P4HTM: variants seen among roughly 807,000 people sequenced by gnomAD.
P4HTM encodes transmembrane prolyl 4-hydroxylase.
A neutral mutation model predicts 55.3 loss-of-function variants in P4HTM; 33 were observed. The ratio of observed to expected loss-of-function variants is 0.60; its 90% CI spans 0.45 to 0.80. The LOEUF is 0.80. P4HTM is among the 30% of genes least tolerant of loss of function. The pLI, the probability that P4HTM is intolerant of heterozygous loss-of-function variation, is 0.00. For missense variants in P4HTM, 542 were observed against 696.5 expected, an observed-to-expected ratio of 0.78 and a Z score of 2.50; for synonymous variants, 272 against 286.4, an observed-to-expected ratio of 0.95 and a Z score of 0.51.
chr3:49,003,555 T>G (rs1227237013), intron 4 of P4HTM: 1 of 153,754 alleles, frequency 6.5e-6, no homozygotes, highest in Non-Finnish European at 1.4e-5. Context: ...GGCCTGACTT[T>G]CGTTGCTAAG....
rs529007688 is a variant in P4HTM at position 49,005,790 on chromosome 3, C to A, written c.1087C>A (p.Leu363Met). The change falls in exon 7 of 9, where the codon CTG becomes ATG. Residue 363 changes from leucine to methionine, a missense_variant. Around this residue, in one of 2 missense-constraint regions of P4HTM, gnomAD observed 536 missense variants for 672.1 expected, o/e 0.80. Coordinates refer to ENST00000383729, the MANE Select transcript of P4HTM (RefSeq NM_177939.3). ...FETSCRYMTV[L>M]FYLNNVTGGG... is the part of the protein sequence containing the mutation. The stretch of plus-strand genomic sequence containing the variant: ...CCTGCCTTACAGCTACATGACAGTG[C>A]TGTTTTATTTGAACAACGTCACTGG... 1.3e-5 allele frequency: 21 copies of A among 1,599,108 alleles called. No individual in the cohort carries two copies. In the Admixed American group the frequency reaches 3.5e-4, roughly 27 times the overall value.
Position 49,002,714 on chromosome 3 carries a change from A to G in P4HTM, c.724+118A>G. The G allele has an allele frequency of 1.3e-6, 1 of 787,654 alleles. No homozygotes were observed. 48.8% of individuals were successfully genotyped at this position (787,654 alleles called of 1,614,324 possible). ...CCAGGCAGCCTCTCTGCACCCCTTT[A>G]TAGTGGCCAGAGATGGGGAGGTGAA... is the stretch of plus-strand genomic sequence containing the variant. On this transcript the variant is annotated intron_variant, in intron 4 of 8. Transcript: ENST00000383729. This position sits in a 1 kb window ranked among gnomAD's most constrained non-coding sequence, Gnocchi z 4.4.
At chr3:48,997,001 G>A (rs1394099107) in intron 2 of P4HTM, among the ~76,000 whole-genome samples, 2 of 152,310 alleles carry the variant, frequency 1.3e-5, no homozygotes, top group South Asian at 2.1e-4. Context: ...CCAGACAGAG[G>A]ACTACCTGCT....
intron 6 of P4HTM, 90 bp from the exon 7 acceptor site, chr3:49,005,687 C>T (rs2092976300): frequency 2.0e-6 from 3 of 1,497,106 alleles, no homozygotes; most frequent in Non-Finnish European, 2.7e-6. Flanking sequence ...TCCCTGGCAA[C>T]AGGAACCTGG....
intron 2 of P4HTM, chr3:48,996,132 G>A (rs2092944842): frequency 6.6e-6 from 1 of 152,188 alleles, no homozygotes; most frequent in African/African-American, 2.4e-5. Context: ...CTTTATCTTA[G>A]GATTTCTAAA....
In P4HTM at chr3:49,002,573, T is replaced by C; in HGVS notation, c.701T>C (p.Ile234Thr). Residue 234 changes from isoleucine to threonine, a missense_variant, in exon 4 of 9, where the codon ATC becomes ACC. Coordinates refer to ENST00000383729, the MANE Select transcript of P4HTM (RefSeq NM_177939.3). This position sits in a 1 kb window ranked among gnomAD's most constrained non-coding sequence, Gnocchi z 4.4. ...AGCATTCAGGAGATGTACGCCGCGA[T>C]CAAGGCTGACCCTGATGGTGACGGT... ...PESIQEMYAA[I>T]KADPDGDGVL... 4 of 1,613,734 alleles carry C rather than the reference T, an allele frequency of 2.5e-6. No individual in the cohort carries two copies. Among genetic ancestry groups the C allele is most frequent in the Non-Finnish European group, 3.4e-6 (4 of 1,179,654 alleles).
chr3:48,990,756 C>T lies in P4HTM; in HGVS notation c.355-77C>T. The T allele has an allele frequency of 6.5e-7, 1 of 1,537,498 alleles. No individual in the cohort carries two copies. The highest frequency in any genetic ancestry group is 1.1e-5 in the South Asian group (1 of 87,280). ...CCACTCACTCGCCTGCTGTCGCTCT[C>T]CGGGCCGGGGCGACTTGGCCCTTCT... On this transcript the variant is annotated intron_variant, in intron 1 of 8. Coordinates refer to ENST00000383729, the MANE Select transcript of P4HTM (RefSeq NM_177939.3). This position sits in a 1 kb window ranked among gnomAD's most constrained non-coding sequence, Gnocchi z 7.2.
At position 49,007,128 on chromosome 3, in the gene P4HTM, G is replaced by A. The variant is rs771040589; in HGVS notation, c.*221G>A. 2.8e-6 allele frequency: 2 copies of A among 704,642 alleles called. No individual in the cohort carries two copies. The highest frequency in any genetic ancestry group is 2.7e-5 in the East Asian group (1 of 36,578). The allele number at this position is 704,642 out of a possible 1,614,324, so 43.6% of individuals were successfully genotyped here. ...CCACAAGGTTCGAGCCGCCGGGCCC[G>A]ACAAACTCCGGGTCGGCGAAACAGA... On this transcript the variant is annotated 3_prime_UTR_variant, in exon 9 of 9. Coordinates refer to ENST00000383729, the MANE Select transcript of P4HTM (RefSeq NM_177939.3). The surrounding 1 kb of genome is among the most constrained non-coding windows in gnomAD (Gnocchi z 5.1).
In P4HTM at chr3:48,999,244, C is replaced by T. The variant is rs2092954556; in HGVS notation, c.437-2194C>T. On this transcript the variant is annotated intron_variant, in intron 2 of 8. Coordinates refer to ENST00000383729, the MANE Select transcript of P4HTM (RefSeq NM_177939.3). This position sits in a 1 kb window ranked among gnomAD's most constrained non-coding sequence, Gnocchi z 4.8. The stretch of plus-strand genomic sequence containing the variant: ...GGGCCCTGCACCTGGAAGCCCCTGT[C>T]CTACCTGTCAAGGCATACAGGGGTA... 1 of 152,242 alleles carries T rather than the reference C, an allele frequency of 6.6e-6. No individual in the cohort carries two copies. 9.4% of individuals were successfully genotyped at this position (152,242 alleles called of 1,614,324 possible).
In P4HTM at chr3:49,007,071, T is replaced by C; in HGVS notation, c.*164T>C. ...TCCTATATTCATGTTATTTATTGTGTACTGACTCCATCTGCCCCGTCAAAT... is the reference window on the plus strand; with the variant it reads ...TCCTATATTCATGTTATTTATTGTGCACTGACTCCATCTGCCCCGTCAAAT... On this transcript the variant is annotated 3_prime_UTR_variant, in exon 9 of 9. Coordinates refer to ENST00000383729, the MANE Select transcript of P4HTM (RefSeq NM_177939.3). The surrounding 1 kb of genome is among the most constrained non-coding windows in gnomAD (Gnocchi z 5.1). The C allele has an allele frequency of 1.5e-6, 1 of 681,896 alleles. No individual in the cohort carries two copies. The highest frequency in any genetic ancestry group is 2.4e-6 in the Non-Finnish European group (1 of 409,624). The allele number at this position is 681,896 out of a possible 1,614,324, so 42.2% of individuals were successfully genotyped here.
chr3:48,992,403 T>C (rs1217048833), intron 2 of P4HTM, among the ~76,000 whole-genome samples: 1 of 151,888 alleles, frequency 6.6e-6, no homozygotes, highest in Non-Finnish European at 1.5e-5. Flanking sequence ...GTCAGGAATT[T>C]GAGGCCAGCC....
At chr3:49,000,263 A>T (rs769781482) in intron 2 of P4HTM, among the ~76,000 whole-genome samples, 1 of 151,828 alleles carries the variant, frequency 6.6e-6, no homozygotes, top group African/African-American at 2.4e-5. Flanking sequence ...ATTAAAAACC[A>T]CTCCAGGCCA....
At chr3:48,993,912 C>T (rs993296183) in intron 2 of P4HTM, among the ~76,000 whole-genome samples, 4 of 148,322 alleles carry the variant, frequency 2.7e-5, no homozygotes, top group Admixed American at 1.3e-4. Context: ...TCTAAAGTCA[C>T]CAAGGGCAAA....
rs550434839 is a variant in P4HTM at position 49,005,822 on chromosome 3, C to A, written c.1119C>A (p.Gly373=). The change falls in exon 7 of 9, where the codon GGC becomes GGA. Residue 373 remains glycine, a synonymous_variant. Transcript: ENST00000383729. ...LFYLNNVTGG[G]ETVFPVADNR... is the part of the protein sequence containing the mutation. ...ATTTGAACAACGTCACTGGTGGGGG[C>A]GAGACTGTTTTCCCTGTAGCAGATA... 1.0e-5 allele frequency: 16 copies of A among 1,582,992 alleles called. No individual in the cohort carries two copies. In the Admixed American group the frequency reaches 1.8e-4, roughly 18 times the overall value.
In P4HTM at chr3:48,990,413, C is replaced by A. The variant is rs372623573; in HGVS notation, c.157C>A (p.Arg53Ser). The part of the protein sequence containing the change: ...DAPVRPLCKP[R>S]GICSRAYFLV... ...ACCGGTGCGTCCGCTGTGCAAGCCC[C>A]GCGGCATCTGCTCGCGCGCCTACTT... The change falls in exon 1 of 9, where the codon CGC (arginine) becomes AGC (serine). Residue 53 changes from arginine to serine, a missense_variant. Physicochemically the swap from Arg to Ser is moderately radical, Grantham distance 110 (BLOSUM62 -1). This residue lies in a region of P4HTM where 536 missense variants were observed against 672.1 expected (regional missense o/e 0.80). Coordinates refer to ENST00000383729, the MANE Select transcript of P4HTM (RefSeq NM_177939.3). The surrounding 1 kb of genome is among the most constrained non-coding windows in gnomAD (Gnocchi z 7.2). The A allele has an allele frequency of 1.1e-4, 170 of 1,604,040 alleles. No homozygotes were observed. The highest frequency in any genetic ancestry group is 1.4e-4 in the Non-Finnish European group (160 of 1,178,452).
chr3:49,000,829 A>T (rs2092958809), intron 2 of P4HTM, among the ~76,000 whole-genome samples: 1 of 152,192 alleles, frequency 6.6e-6, no homozygotes, highest in Admixed American at 6.5e-5. Flanking sequence ...AAGGAAGCAA[A>T]GGACACCTGG....
At chr3:49,005,461 C>T in intron 6 of P4HTM, 1 of 1,366,414 alleles carries the variant, frequency 7.3e-7, no homozygotes, top group African/African-American at 1.5e-5. Context: ...CCCTTCCCAT[C>T]CCCAAGGAGC....
upstream of P4HTM, chr3:48,990,093 C>G (rs567002086): frequency 3.6e-6 from 2 of 555,632 alleles, no homozygotes; most frequent in South Asian, 1.6e-4. This position sits in a 1 kb window ranked among gnomAD's most constrained non-coding sequence, Gnocchi z 7.2. Context: ...GCAGGAAGGC[C>G]GAGCCCGGCG....
chr3:49,003,300 ACCTGTG>A (rs1190503040), intron 4 of P4HTM: 4 of 90,406 alleles, frequency 4.4e-5, no homozygotes, highest in Non-Finnish European at 9.6e-5. Flanking sequence ...TCTGGCCGTG[ACCTGTG>A]GCTGGATGGC....
Sources: gnomAD v4.1 joint callset for allele counts (sites outside exome capture counted in the v4.1 genomes callset) on GRCh38, gnomAD v4.1.1 for gene constraint, gnomAD v4.1.1 regional missense constraint, Gnocchi (gnomAD v3.1) non-coding constraint, MANE v1.5 for transcripts, NCBI Gene and HGNC (gene_info 2026-07-23, HGNC 2026-07-21) for gene names.